The following ADORA2A variants were observed in gnomAD, a reference collection of about 807,000 sequenced individuals.
The protein encoded by ADORA2A is adenosine A2a receptor.
A neutral mutation model predicts 18.4 loss-of-function variants in ADORA2A; 11 were observed. The observed-to-expected ratio is 0.60, with a 90% CI of 0.38 to 0.99. The LOEUF (loss-of-function observed/expected upper bound fraction) is 0.99, where lower values mean the gene tolerates loss of function less well. Among genes scored for constraint, ADORA2A ranks in the 50% least tolerant of loss-of-function variants. ADORA2A has a pLI of 0.01. For synonymous variants in ADORA2A, 218 were observed against 237.3 expected, an observed-to-expected ratio of 0.92 and a Z score of 0.75; for missense variants, 449 against 556.1, an observed-to-expected ratio of 0.81 and a Z score of 1.94.
chr22:24,431,021 G>C (rs1033286581), intron 1 of ADORA2A: 2 of 409,752 alleles, frequency 4.9e-6, no homozygotes. Context: ...AGGGGCTATC[G>C]TGAGTCAGGT....
upstream of ADORA2A, among the ~76,000 whole-genome samples, chr22:24,424,736 G>A (rs5760412): frequency 7.8e-3 from 1,189 of 152,280 alleles, 76 homozygotes; most frequent in South Asian, 0.12. The surrounding 1 kb of genome is among the most constrained non-coding windows in gnomAD (Gnocchi z 4.9). Context: ...GGCCCCGGCC[G>A]TCTGTCTGGC....
rs1342430085 is a variant in ADORA2A, at chr22:24,441,579, G to A, written c.*90G>A. 8 of 1,329,080 alleles carry A rather than the reference G, an allele frequency of 6.0e-6. No homozygotes were observed. The highest frequency in any genetic ancestry group is 7.9e-6 in the Non-Finnish European group (8 of 1,017,630). 82.3% of individuals were successfully genotyped at this position (1,329,080 alleles called of 1,614,324 possible). Reference sequence around the variant, plus strand: ...GTCACGTTGGGAGAAGAGAGAGAGTGCCAGGAGACCCTGAGGGCAGCCGGT... The same window carrying A: ...GTCACGTTGGGAGAAGAGAGAGAGTACCAGGAGACCCTGAGGGCAGCCGGT... On this transcript the variant is annotated 3_prime_UTR_variant, in exon 3 of 3. Coordinates refer to ENST00000337539, the MANE Select transcript of ADORA2A (RefSeq NM_000675.6).
upstream of ADORA2A, chr22:24,424,476 C>T (rs1975979936): frequency 6.6e-6 from 1 of 152,218 alleles, no homozygotes; most frequent in African/African-American, 2.4e-5. The surrounding 1 kb of genome is among the most constrained non-coding windows in gnomAD (Gnocchi z 4.9). Context: ...GAGGCGCTTC[C>T]TGAGGGGTGG....
intron 1 of ADORA2A, chr22:24,429,258 G>A (rs757393358): frequency 2.6e-5 from 4 of 152,278 alleles, no homozygotes; most frequent in African/African-American, 9.6e-5. Flanking sequence ...GAGGTGAGGA[G>A]GAAGGCAGGA....
chr22:24,426,919 C>T (rs767193160), upstream of ADORA2A, among the ~76,000 whole-genome samples: 3 of 152,220 alleles, frequency 2.0e-5, no homozygotes, highest in Non-Finnish European at 2.9e-5. Context: ...CTCACCACCC[C>T]CCGCCAACAC....
At chr22:24,426,947 T>G (rs185892327), upstream of ADORA2A, among the ~76,000 whole-genome samples, 219 of 152,310 alleles carry the variant, frequency 1.4e-3, no homozygotes, top group African/African-American at 5.1e-3. Context: ...GGGAAGCTTG[T>G]TCCAGGAGTC....
chr22:24,433,356 G>A lies in ADORA2A; in HGVS notation c.-49G>A. 1 of 1,530,054 alleles carries A rather than the reference G, an allele frequency of 6.5e-7. No individual in the cohort carries two copies. The highest frequency in any genetic ancestry group is 8.8e-7 in the Non-Finnish European group (1 of 1,132,118). 94.8% of individuals were successfully genotyped at this position (1,530,054 alleles called of 1,614,324 possible). A position where few individuals can be genotyped will look rare whatever the true frequency, so the allele number is the denominator to read the frequency against. On this transcript the variant is annotated 5_prime_UTR_variant, in exon 2 of 3. Transcript: ENST00000337539. ...CGGCTGGGCTGCAGCAATGGACCGT[G>A]AGCTGGCCCAGCCCGCGTCCGTGCT...
At chr22:24,423,653 CG>C (rs1166020957), upstream of ADORA2A, 1 of 152,724 alleles carries the variant, frequency 6.5e-6, no homozygotes, top group Non-Finnish European at 1.5e-5. Context: ...GAGGAAGCGG[CG>C]GGACGGATGC....
chr22:24,441,338 T>C lies in ADORA2A; in HGVS notation c.1088T>C (p.Leu363Pro). Residue 363 changes from leucine to proline, a missense_variant, in exon 3 of 3, where the codon CTG becomes CCG. Transcript: ENST00000337539. ...HPERRPNGYA[L>P]GLVSGGSAQE... Reference sequence around the variant, plus strand: ...GAGCGGAGGCCCAATGGCTATGCCCTGGGGCTGGTGAGTGGAGGGAGTGCC... The same window carrying C: ...GAGCGGAGGCCCAATGGCTATGCCCCGGGGCTGGTGAGTGGAGGGAGTGCC... 1 of 1,596,892 alleles carries C rather than the reference T, an allele frequency of 6.3e-7. No individual in the cohort carries two copies. Among genetic ancestry groups the C allele is most frequent in the Non-Finnish European group, 8.5e-7 (1 of 1,170,660 alleles).
chr22:24,434,193 G>A (rs973927355), intron 2 of ADORA2A, among the ~76,000 whole-genome samples: 2 of 152,188 alleles, frequency 1.3e-5, no homozygotes, highest in African/African-American at 2.4e-5. Flanking sequence ...GTTAGGAGCC[G>A]CCCGCCACCT....
At chr22:24,428,574 T>A (rs2042954875) in intron 1 of ADORA2A, among the ~76,000 whole-genome samples, 1 of 152,258 alleles carries the variant, frequency 6.6e-6, no homozygotes, top group South Asian at 2.1e-4. Flanking sequence ...TCTTTGCCTC[T>A]TTGGAGATTC....
At chr22:24,431,020 C>T in intron 1 of ADORA2A, 1 of 409,150 alleles carries the variant, frequency 2.4e-6, no homozygotes, top group East Asian at 7.2e-5. Flanking sequence ...CAGGGGCTAT[C>T]GTGAGTCAGG....
chr22:24,431,900 C>T (rs962085270), intron 1 of ADORA2A, among the ~76,000 whole-genome samples: 2 of 152,198 alleles, frequency 1.3e-5, no homozygotes, highest in African/African-American at 4.8e-5. Context: ...CTGTTTATTT[C>T]CTTCTCATAG....
chr22:24,431,424 G>A (rs1416957041), intron 1 of ADORA2A: 1 of 456,774 alleles, frequency 2.2e-6, no homozygotes, highest in Admixed American at 2.3e-5. Flanking sequence ...CATTGGAGTT[G>A]GAGGGAAAGT....
chr22:24,440,492 T>C (rs1646297095), intron 2 of ADORA2A, 91 bp from the exon 3 acceptor site: 1 of 1,289,212 alleles, frequency 7.8e-7, no homozygotes, highest in African/African-American at 1.5e-5. Context: ...AGTCAGGAAA[T>C]GTGGAAACGG....
At chr22:24,440,194 G>A (rs1315922637) in intron 2 of ADORA2A, among the ~76,000 whole-genome samples, 1 of 152,172 alleles carries the variant, frequency 6.6e-6, no homozygotes, top group Non-Finnish European at 1.5e-5. Flanking sequence ...CCAACATGGA[G>A]GTAATTGATC....
upstream of ADORA2A, among the ~76,000 whole-genome samples, chr22:24,427,192 G>T (rs1029201428): frequency 6.6e-6 from 1 of 152,166 alleles, no homozygotes; most frequent in African/African-American, 2.4e-5. Flanking sequence ...TCCCTCAGTG[G>T]CCTCTGCAAA....
In ADORA2A at chr22:24,440,747, G is replaced by C. The variant is rs1418930522; in HGVS notation, c.497G>C (p.Cys166Ser). 6.2e-7 allele frequency: 1 copy of C among 1,614,250 alleles called. No individual in the cohort carries two copies. Among genetic ancestry groups the C allele is most frequent in the South Asian group, 1.1e-5 (1 of 91,082 alleles). ...SQGCGEGQVA[C>S]LFEDVVPMNY... is the part of the protein sequence containing the mutation. ...GGCTGCGGGGAGGGCCAAGTGGCCT[G>C]TCTCTTTGAGGATGTGGTCCCCATG... The change falls in exon 3 of 3, where the codon TGT (cysteine) becomes TCT (serine). Residue 166 changes from cysteine (C) to serine (S), a missense_variant. Physicochemically the swap from Cys to Ser is moderately radical, Grantham distance 112. Transcript: ENST00000337539.
chr22:24,433,801 G>C (rs1194589125), intron 2 of ADORA2A, 65 bp downstream of exon 2: 6 of 1,500,554 alleles, frequency 4.0e-6, no homozygotes, highest in African/African-American at 1.4e-5. Flanking sequence ...TCTGTGCCCG[G>C]AGCCAGGGTG....
Sources: allele counts gnomAD v4.1 joint callset (sites outside exome capture counted in the v4.1 genomes callset), GRCh38; gene constraint gnomAD v4.1.1; non-coding constraint Gnocchi (gnomAD v3.1); transcripts MANE v1.5; gene names NCBI Gene and HGNC (gene_info 2026-07-23, HGNC 2026-07-21).